The following FER1L6 variants were observed in gnomAD, a reference collection of about 807,000 sequenced individuals.
The protein encoded by FER1L6 is fer-1-like protein 6.
Under a neutral mutation model 219.2 loss-of-function variants are expected in FER1L6, and 177 were observed. That is an observed-to-expected ratio of 0.81 (90% CI 0.71 to 0.91). The LOEUF is 0.91. Ranked by LOEUF, FER1L6 falls within the 40% of genes least tolerant of loss-of-function variation. FER1L6 has a pLI of 0.00. For synonymous variants in FER1L6, 768 were observed against 824.3 expected (o/e 0.93, Z 1.17); for missense variants, 2,153 against 2,259.9 (o/e 0.95, Z 0.96).
chr8:123,869,927 C>A (rs1435461010), intron 1 of FER1L6, among the ~76,000 whole-genome samples: 1 of 152,128 alleles, frequency 6.6e-6, no homozygotes, highest in African/African-American at 2.4e-5. Flanking sequence ...TACAAAGGTG[C>A]AAAGGCAATT....
chr8:123,958,023 G>A (rs1815096156), intron 2 of FER1L6, among the ~76,000 whole-genome samples: 1 of 152,142 alleles, frequency 6.6e-6, no homozygotes, highest in Non-Finnish European at 1.5e-5. Context: ...TGTATTTTGA[G>A]GCATTGTAGT....
At chr8:123,993,847 C>A (rs1440900267) in intron 12 of FER1L6, among the ~76,000 whole-genome samples, 1 of 152,148 alleles carries the variant, frequency 6.6e-6, no homozygotes, top group East Asian at 1.9e-4. Flanking sequence ...GCTACCAGTA[C>A]CAGTTCTAAT....
chr8:123,899,277 G>A (rs1049756131), intron 1 of FER1L6, among the ~76,000 whole-genome samples: 2 of 151,980 alleles, frequency 1.3e-5, no homozygotes, highest in Non-Finnish European at 2.9e-5. Context: ...ATTTTTTCAT[G>A]TGTTTGTTGG....
intron 33 of FER1L6, among the ~76,000 whole-genome samples, chr8:124,086,399 T>C (rs1315296688): frequency 6.6e-6 from 1 of 151,594 alleles, no homozygotes; most frequent in East Asian, 1.9e-4. Flanking sequence ...GGCTTGAAAA[T>C]AATATAGCCC....
intron 1 of FER1L6, among the ~76,000 whole-genome samples, chr8:123,900,612 A>G (rs1286685339): frequency 6.6e-6 from 1 of 152,146 alleles, no homozygotes; most frequent in Non-Finnish European, 1.5e-5. Flanking sequence ...TTGGCTTATC[A>G]ATAATATGTG....
intron 19 of FER1L6, among the ~76,000 whole-genome samples, chr8:124,038,050 A>G (rs1190623113): frequency 3.9e-5 from 6 of 152,140 alleles, no homozygotes; most frequent in Admixed American, 3.3e-4. Flanking sequence ...GACTTTCAAG[A>G]GTTTCCGATT....
intron 3 of FER1L6, 38 bp downstream of exon 3, chr8:123,963,436 G>A (rs965042133): frequency 6.2e-7 from 1 of 1,610,862 alleles, no homozygotes. Flanking sequence ...CACATTTGCT[G>A]AGCATCTCTT....
intron 33 of FER1L6, 66 bp from the exon 34 acceptor site, chr8:124,091,357 G>T: frequency 2.2e-6 from 3 of 1,337,124 alleles, no homozygotes; most frequent in Non-Finnish European, 3.2e-6. Context: ...GAAAGAAACT[G>T]CACAGATCAT....
In FER1L6 at chr8:124,097,272, G is replaced by T. The variant is rs1438044490; in HGVS notation, c.4697G>T (p.Gly1566Val). The T allele has an allele frequency of 1.9e-6, 3 of 1,611,308 alleles. No homozygotes were observed. Among genetic ancestry groups the T allele is most frequent in the Non-Finnish European group, 2.5e-6 (3 of 1,178,404 alleles). Residue 1566 changes from glycine (G) to valine (V), a missense_variant and splice_region_variant, in exon 36 of 41, where the codon GGC (glycine) becomes GTC (valine). Gly to Val is a moderately radical substitution (Grantham distance 109, BLOSUM62 -3). Transcript: ENST00000522917. ...YHKDKPGMEQ[G>V]RLQMWVDMFP... ...GAAGATATTTTTTTTCTTAACAAGG[G>T]CCGCCTGCAGATGTGGGTGGACATG... is the stretch of plus-strand genomic sequence containing the variant.
chr8:123,963,175 T>C (rs1387096655), intron 2 of FER1L6, 103 bp from the exon 3 acceptor site: 1 of 1,484,394 alleles, frequency 6.7e-7, no homozygotes, highest in African/African-American at 1.4e-5. Context: ...CTAGTCTCTT[T>C]GTACCACTTA....
At chr8:124,002,912 A>G (rs182421236) in intron 12 of FER1L6, among the ~76,000 whole-genome samples, 38 of 152,118 alleles carry the variant, frequency 2.5e-4, no homozygotes, top group Middle Eastern at 3.4e-3. Context: ...GTGATTTCTA[A>G]TGACTCTTTT....
intron 20 of FER1L6, among the ~76,000 whole-genome samples, chr8:124,041,246 C>A (rs1586627302): frequency 6.6e-6 from 1 of 152,366 alleles, no homozygotes; most frequent in African/African-American, 2.4e-5. Context: ...ACACAACTCA[C>A]TAAACCTCAG....
At chr8:123,978,353 G>A (rs897573575) in intron 10 of FER1L6, among the ~76,000 whole-genome samples, 4 of 152,138 alleles carry the variant, frequency 2.6e-5, no homozygotes, top group Non-Finnish European at 4.4e-5. Flanking sequence ...GAATAGCAGC[G>A]AGGTGCACTG....
chr8:124,011,140 CCTTA>C (rs370410673), intron 14 of FER1L6, among the ~76,000 whole-genome samples: 78 of 152,264 alleles, frequency 5.1e-4, no homozygotes, highest in African/African-American at 1.7e-3. Context: ...GTTCTTCCTC[CCTTA>C]CTTTGTTCCA....
chr8:123,971,635 T>C (rs1029574571), intron 6 of FER1L6, among the ~76,000 whole-genome samples: 6 of 152,188 alleles, frequency 3.9e-5, no homozygotes, highest in Non-Finnish European at 8.8e-5. Context: ...AGACAAAAGA[T>C]TTTAAAATAA....
chr8:123,983,856 A>T (rs1816433769), intron 11 of FER1L6, among the ~76,000 whole-genome samples: 2 of 152,250 alleles, frequency 1.3e-5, no homozygotes, highest in Admixed American at 1.3e-4. Context: ...CAGAGATTTA[A>T]TCTCACCAGA....
At chr8:124,056,116 T>C (rs886908099) in intron 22 of FER1L6, among the ~76,000 whole-genome samples, 6 of 152,344 alleles carry the variant, frequency 3.9e-5, no homozygotes, top group Non-Finnish European at 7.4e-5. Context: ...AGAGCCTTAA[T>C]TTAATCACAT....
chr8:123,965,517 G>A (rs1171423413), intron 3 of FER1L6, among the ~76,000 whole-genome samples: 1 of 152,124 alleles, frequency 6.6e-6, no homozygotes, highest in East Asian at 1.9e-4. Flanking sequence ...GGTATCTTTA[G>A]TCATTCCCTT....
intron 1 of FER1L6, among the ~76,000 whole-genome samples, chr8:123,926,813 T>C (rs190652427): frequency 1.2e-3 from 184 of 152,320 alleles, no homozygotes; most frequent in African/African-American, 4.2e-3. Flanking sequence ...TTCTAAGTAA[T>C]ATATCTATTT....
Sources: allele counts gnomAD v4.1 joint callset (sites outside exome capture counted in the v4.1 genomes callset), GRCh38; gene constraint gnomAD v4.1.1; transcripts MANE v1.5; gene names NCBI Gene and HGNC (gene_info 2026-07-23, HGNC 2026-07-21).